Variants in SOX5 observed in about 807,000 individuals in gnomAD.
SOX5 encodes the protein transcription factor SOX-5.
In SOX5, 9 loss-of-function variants were observed where a neutral mutation model predicts 92.0. That is an observed-to-expected ratio of 0.10 (90% CI 0.06 to 0.17). The LOEUF (loss-of-function observed/expected upper bound fraction) is 0.17. SOX5 is among the 10% of genes least tolerant of loss of function. The probability of loss-of-function intolerance (pLI) is 1.00; values close to 1 mark genes in which losing one functional copy is unlikely to be tolerated. For missense variants in SOX5, 642 were observed against 944.5 expected (o/e 0.68, Z 4.20); for synonymous variants, 344 against 336.3 (o/e 1.02, Z -0.25).
chr12:24,401,125 G>A (rs1287827258), intron 1 of SOX5, among the ~76,000 whole-genome samples: 3 of 152,086 alleles, frequency 2.0e-5, no homozygotes, highest in East Asian at 1.9e-4. Context: ...AGGCTGAGGC[G>A]GGCAGATCAT....
chr12:24,218,105 C>T (rs1459226650), intron 3 of SOX5, among the ~76,000 whole-genome samples: 1 of 152,078 alleles, frequency 6.6e-6, no homozygotes, highest in Non-Finnish European at 1.5e-5. Context: ...CCAAAATGAC[C>T]CAGCCATTCT....
chr12:24,011,994 G>C (rs1952996897), intron 4 of SOX5, among the ~76,000 whole-genome samples: 1 of 152,116 alleles, frequency 6.6e-6, no homozygotes, highest in African/African-American at 2.4e-5. Flanking sequence ...ATTTTTCCCA[G>C]GACTTCAAAT....
intron 2 of SOX5, among the ~76,000 whole-genome samples, chr12:24,363,731 T>C (rs1180922452): frequency 7.0e-6 from 1 of 142,616 alleles, no homozygotes; most frequent in Admixed American, 7.0e-5. Flanking sequence ...AAAAAAAAAG[T>C]CTGATTCATC....
chr12:23,957,022 T>C (rs1458374234), intron 4 of SOX5, among the ~76,000 whole-genome samples: 2 of 152,212 alleles, frequency 1.3e-5, no homozygotes, highest in Non-Finnish European at 2.9e-5. Flanking sequence ...CCCTTTCAAT[T>C]ACAAACTTCT....
chr12:24,446,275 G>C (rs1941463542), intron 1 of SOX5, among the ~76,000 whole-genome samples: 1 of 141,874 alleles, frequency 7.0e-6, no homozygotes, highest in African/African-American at 2.6e-5. Context: ...ATGACAGGGA[G>C]AGACTGAGAC....
intron 2 of SOX5, among the ~76,000 whole-genome samples, chr12:23,859,950 G>C (rs565722565): frequency 2.6e-5 from 4 of 152,156 alleles, no homozygotes; most frequent in African/African-American, 9.7e-5. Context: ...ATATACCATA[G>C]AATATTATGC....
rs143934235 is a variant in SOX5, at chr12:24,293,577, T to A, written c.-173-16265A>T. 3.2e-3 allele frequency among the ~76,000 whole-genome samples: 485 copies of A among 151,992 alleles called. 2 individuals are homozygous for A. The highest frequency in any genetic ancestry group is 0.011 in the African/African-American group (454 of 41,260). Reference sequence around the variant, plus strand: ...ATATCAACATATTAAGGACTGGTTATGCAGTTTATAAAAAAAAAGGTGGGG... The same window carrying A: ...ATATCAACATATTAAGGACTGGTTAAGCAGTTTATAAAAAAAAAGGTGGGG... On this transcript the variant is annotated intron_variant, in intron 2 of 4. Coordinates refer to the SOX5 transcript ENST00000446891.
intron 1 of SOX5, among the ~76,000 whole-genome samples, chr12:24,551,245 T>C (rs1278820150): frequency 6.6e-6 from 1 of 152,198 alleles, no homozygotes; most frequent in African/African-American, 2.4e-5. Flanking sequence ...CAAATACTTA[T>C]TAAATAGCTA....
rs138257321 is a variant in SOX5, at chr12:23,971,943, G to C, written c.-1-75919C>G. On this transcript the variant is annotated intron_variant, in intron 4 of 4. Transcript: ENST00000446891. ...TGACGAAAACACTGAGGCTCTAAAA[G>C]AAAAATTTATAAAAAGAGTAAAATT... 2.0e-5 allele frequency among the ~76,000 whole-genome samples: 3 copies of C among 152,136 alleles called. No homozygotes were observed. The East Asian group carries it at 5.8e-4, about 29-fold the overall frequency.
intron 2 of SOX5, among the ~76,000 whole-genome samples, chr12:24,301,091 C>A (rs928686067): frequency 1.3e-5 from 2 of 152,198 alleles, no homozygotes; most frequent in East Asian, 1.9e-4. Context: ...GCTGCCATAA[C>A]CTTCTGCCAC....
chr12:23,648,936 G>A (rs947615194), intron 7 of SOX5, among the ~76,000 whole-genome samples: 3 of 151,834 alleles, frequency 2.0e-5, no homozygotes, highest in Admixed American at 6.6e-5. Context: ...CCAATATGTC[G>A]ACTAATTAAT....
At chr12:23,740,145 G>A (rs1156981987) in intron 5 of SOX5, among the ~76,000 whole-genome samples, 1 of 152,110 alleles carries the variant, frequency 6.6e-6, no homozygotes, top group Non-Finnish European at 1.5e-5. Context: ...ATGCTGACTG[G>A]TGTTTCCAGC....
At chr12:24,212,816 G>C (rs995057368) in intron 4 of SOX5, among the ~76,000 whole-genome samples, 1 of 152,096 alleles carries the variant, frequency 6.6e-6, no homozygotes, top group African/African-American at 2.4e-5. Context: ...TTCATACATG[G>C]TAGTCAATAT....
chr12:23,601,214 G>T (rs1416862646), intron 9 of SOX5, among the ~76,000 whole-genome samples: 1 of 152,060 alleles, frequency 6.6e-6, no homozygotes, highest in African/African-American at 2.4e-5. Flanking sequence ...GTCTTTTGGA[G>T]CCCCCTCCTT....
chr12:23,926,034 T>C (rs1427494247), intron 1 of SOX5, among the ~76,000 whole-genome samples: 1 of 152,098 alleles, frequency 6.6e-6, no homozygotes, highest in Non-Finnish European at 1.5e-5. Flanking sequence ...GGAAGTAACA[T>C]GCTGGAGTTA....
At chr12:24,147,571 A>G (rs1425943203) in intron 4 of SOX5, among the ~76,000 whole-genome samples, 2 of 152,180 alleles carry the variant, frequency 1.3e-5, no homozygotes, top group African/African-American at 4.8e-5. Context: ...TGGGAGTGCA[A>G]TAAAGCAAGA....
At chr12:23,995,333 A>C (rs977520227) in intron 4 of SOX5, among the ~76,000 whole-genome samples, 6 of 152,210 alleles carry the variant, frequency 3.9e-5, no homozygotes, top group Non-Finnish European at 7.3e-5. Context: ...CAAATTAATA[A>C]AAAGATAACA....
Position 23,991,334 on chromosome 12 carries a change from A to G in SOX5, c.-1-95310T>C, listed in dbSNP as rs1413108438. 2.0e-5 allele frequency among the ~76,000 whole-genome samples: 3 copies of G among 151,844 alleles called. No individual in the cohort carries two copies. The East Asian group carries it at 5.8e-4, about 29-fold the overall frequency. On this transcript the variant is annotated intron_variant, in intron 4 of 4. Transcript: ENST00000446891. The stretch of plus-strand genomic sequence containing the variant: ...TTGTCTCTTTCTTAAAAAAAAAACA[A>G]CAACAACAAAAAAAATATATATATA...
intron 1 of SOX5, among the ~76,000 whole-genome samples, chr12:24,399,438 T>C (rs1960948146): frequency 6.6e-6 from 1 of 152,242 alleles, no homozygotes; most frequent in South Asian, 2.1e-4. Flanking sequence ...GTCCAGAAGA[T>C]ACTTAACAAT....
Sources: gnomAD v4.1 joint callset for allele counts (sites outside exome capture counted in the v4.1 genomes callset) on GRCh38, gnomAD v4.1.1 for gene constraint, MANE v1.5 for transcripts, NCBI Gene and HGNC (gene_info 2026-07-23, HGNC 2026-07-21) for gene names.